Variants in DLGAP1 observed in about 807,000 individuals in gnomAD.
The protein encoded by DLGAP1 is DLG associated protein 1.
DLGAP1 carries 11 observed loss-of-function variants against 90.8 expected under a neutral mutation model. The ratio of observed to expected loss-of-function variants is 0.12; its 90% CI spans 0.08 to 0.20. The LOEUF (loss-of-function observed/expected upper bound fraction) is 0.20. Among genes scored for constraint, DLGAP1 ranks in the 10% least tolerant of loss-of-function variants. The pLI, the probability that DLGAP1 is intolerant of heterozygous loss-of-function variation, is 1.00. For missense variants in DLGAP1, 1,050 were observed against 1,333.8 expected (o/e 0.79, Z 3.31); for synonymous variants, 558 against 540.7 (o/e 1.03, Z -0.44).
At chr18:4,329,732 C>T (rs1014499415) in intron 1 of DLGAP1, among the ~76,000 whole-genome samples, 11 of 151,886 alleles carry the variant, frequency 7.2e-5, no homozygotes, top group African/African-American at 2.7e-4. Flanking sequence ...GTTTTTAATG[C>T]TTTCATGCTA....
At chr18:4,308,516 G>A (rs1160925570) in intron 1 of DLGAP1, among the ~76,000 whole-genome samples, 1 of 152,062 alleles carries the variant, frequency 6.6e-6, no homozygotes, top group Non-Finnish European at 1.5e-5. Flanking sequence ...TCCAATTATG[G>A]AAAGAATTAT....
rs2049968560 is a variant in DLGAP1, at chr18:3,502,061, A to G, written c.2724+432T>C. The G allele has an allele frequency of 4.3e-6, 3 of 697,908 alleles. No homozygotes were observed. The African/African-American group carries it at 5.8e-5, about 14-fold the overall frequency. 43.2% of individuals were successfully genotyped at this position (697,908 alleles called of 1,614,324 possible). ...TCTTTATTACTATATTTATGAAATGATTATCAAAGTCAGTTATTTTTCAGG... is the reference window on the plus strand; with the variant it reads ...TCTTTATTACTATATTTATGAAATGGTTATCAAAGTCAGTTATTTTTCAGG... On this transcript the variant is annotated intron_variant, in intron 12 of 12. Transcript: ENST00000315677.
At chr18:4,032,201 C>T (rs1360398865) in intron 2 of DLGAP1, among the ~76,000 whole-genome samples, 2 of 152,156 alleles carry the variant, frequency 1.3e-5, no homozygotes, top group Admixed American at 6.5e-5. Context: ...CAAAACTGTG[C>T]TTTCTGAATT....
At chr18:3,502,424 A>G in intron 12 of DLGAP1, 69 bp downstream of exon 12, 2 of 1,602,398 alleles carry the variant, frequency 1.2e-6, no homozygotes, top group Non-Finnish European at 1.7e-6. Flanking sequence ...TGAATGCAGA[A>G]GCCTATTTAG....
At chr18:3,850,583 G>A (rs1337166742) in intron 4 of DLGAP1, among the ~76,000 whole-genome samples, 3 of 152,056 alleles carry the variant, frequency 2.0e-5, no homozygotes, top group Non-Finnish European at 2.9e-5. Context: ...AATCAACCTG[G>A]GCATTCTTAA....
chr18:4,255,425 ACTCT>A (rs1164137842), intron 1 of DLGAP1, among the ~76,000 whole-genome samples: 6 of 151,122 alleles, frequency 4.0e-5, no homozygotes, highest in African/African-American at 1.5e-4. Flanking sequence ...TCTCTATGTT[ACTCT>A]CTCTCTTTGC....
intron 1 of DLGAP1, among the ~76,000 whole-genome samples, chr18:4,358,888 A>G (rs762139359): frequency 6.6e-6 from 1 of 152,198 alleles, no homozygotes; most frequent in Non-Finnish European, 1.5e-5. Flanking sequence ...TCACTCTGCC[A>G]CATTCTCCAA....
chr18:3,882,942 T>C (rs2071214047), intron 3 of DLGAP1, among the ~76,000 whole-genome samples: 1 of 152,150 alleles, frequency 6.6e-6, no homozygotes, highest in Non-Finnish European at 1.5e-5. Flanking sequence ...TGTGGTTTAA[T>C]TAAGAAACAA....
chr18:4,161,234 C>T (rs1177498723), intron 1 of DLGAP1, among the ~76,000 whole-genome samples: 1 of 152,068 alleles, frequency 6.6e-6, no homozygotes, highest in South Asian at 2.1e-4. Context: ...CTCTCCCTCC[C>T]GCCACCTTTC....
rs147933851 is a variant in DLGAP1 at position 3,555,533 on chromosome 18, G to A, written c.2057+11957C>T. On this transcript the variant is annotated intron_variant, in intron 9 of 12. Transcript: ENST00000315677. ...TATTGTGGAAATGAAATTTGAGGCCGGGGGCAGTGGCTCACGTCTGTAATC... is the reference window on the plus strand; with the variant it reads ...TATTGTGGAAATGAAATTTGAGGCCAGGGGCAGTGGCTCACGTCTGTAATC... Among the ~76,000 whole-genome samples, 973 of 152,210 alleles carry A rather than the reference G, an allele frequency of 6.4e-3. 11 individuals carry two copies. Among genetic ancestry groups the A allele is most frequent in the African/African-American group, 0.023 (944 of 41,530 alleles).
intron 1 of DLGAP1, among the ~76,000 whole-genome samples, chr18:4,271,940 T>C (rs921833433): frequency 7.9e-5 from 12 of 152,176 alleles, no homozygotes; most frequent in Non-Finnish European, 1.5e-4. Context: ...GGCTCTGTGG[T>C]GAGAACACAG....
intron 1 of DLGAP1, among the ~76,000 whole-genome samples, chr18:4,195,853 T>C (rs934583688): frequency 2.0e-5 from 3 of 152,186 alleles, no homozygotes; most frequent in Non-Finnish European, 4.4e-5. Flanking sequence ...GCGCCCGGCC[T>C]GACTACTTTT....
intron 1 of DLGAP1, chr18:4,294,333 A>AC (rs2079922570): frequency 6.6e-6 from 1 of 152,200 alleles, no homozygotes; most frequent in South Asian, 2.1e-4. Flanking sequence ...CCTTGAGAGC[A>AC]CCCCTGATTC....
chr18:4,121,531 G>C (rs1244629536), intron 2 of DLGAP1, among the ~76,000 whole-genome samples: 1 of 151,956 alleles, frequency 6.6e-6, no homozygotes, highest in Non-Finnish European at 1.5e-5. Flanking sequence ...CATCCCCCAG[G>C]TGATGTCTGG....
chr18:3,785,460 A>G (rs71358027), intron 5 of DLGAP1, among the ~76,000 whole-genome samples: 36 of 152,354 alleles, frequency 2.4e-4, no homozygotes, highest in Non-Finnish European at 5.0e-4. Context: ...GGAGAATTGC[A>G]GGAGAATGAG....
intron 1 of DLGAP1, among the ~76,000 whole-genome samples, chr18:4,253,948 G>T (rs1013295033): frequency 1.3e-5 from 2 of 152,140 alleles, no homozygotes; most frequent in African/African-American, 4.8e-5. Flanking sequence ...GCCTGAGACT[G>T]CCACCTTCAT....
chr18:4,344,802 G>A (rs537163522), intron 1 of DLGAP1, among the ~76,000 whole-genome samples: 5 of 152,158 alleles, frequency 3.3e-5, no homozygotes, highest in East Asian at 3.9e-4. Context: ...GTTATGACCC[G>A]GGGCATTTAT....
intron 4 of DLGAP1, among the ~76,000 whole-genome samples, chr18:3,835,469 G>A (rs1387503048): frequency 6.6e-6 from 1 of 151,944 alleles, no homozygotes; most frequent in East Asian, 1.9e-4. Context: ...GTAACACGGT[G>A]AAACCCTGTC....
chr18:3,637,657 A>C (rs909691957), intron 7 of DLGAP1, among the ~76,000 whole-genome samples: 3 of 151,884 alleles, frequency 2.0e-5, no homozygotes, highest in Non-Finnish European at 4.4e-5. Context: ...CAAGGTGAGA[A>C]GATTGATTGA....
Sources: allele counts gnomAD v4.1 joint callset (sites outside exome capture counted in the v4.1 genomes callset), GRCh38; gene constraint gnomAD v4.1.1; transcripts MANE v1.5; gene names NCBI Gene and HGNC (gene_info 2026-07-23, HGNC 2026-07-21).